Variants in MYOM1 observed in about 807,000 individuals in gnomAD.
The protein encoded by MYOM1 is myomesin-1.
Under a neutral mutation model 205.3 loss-of-function variants are expected in MYOM1, and 164 were observed. That is an observed-to-expected ratio of 0.80 (90% CI 0.70 to 0.91). The LOEUF (loss-of-function observed/expected upper bound fraction) is 0.91, where lower values mean the gene tolerates loss of function less well. Ranked by LOEUF, MYOM1 falls within the 40% of genes least tolerant of loss-of-function variation. The probability of loss-of-function intolerance (pLI) is 0.00; values close to 1 mark genes in which losing one functional copy is unlikely to be tolerated. For synonymous variants in MYOM1, 772 were observed against 789.4 expected (o/e 0.98, Z 0.37); for missense variants, 2,011 against 2,127.3 (o/e 0.95, Z 1.08).
intron 13 of MYOM1, among the ~76,000 whole-genome samples, chr18:3,148,777 C>T (rs761167374): frequency 8.0e-6 from 1 of 124,320 alleles, no homozygotes; most frequent in Admixed American, 1.1e-4. Flanking sequence ...ACCCGGGAGG[C>T]GGAGCTTGTA....
In MYOM1 at chr18:3,072,275, T is replaced by G. The variant is rs1478885907; in HGVS notation, c.4709-386A>C. ...CATCTTGGCCAGGCTGGTCTTGAAC[T>G]CCTGACCTCGTGATCCATCCACTTC... On this transcript the variant is annotated intron_variant, in intron 36 of 37. Transcript: ENST00000356443. Among the ~76,000 whole-genome samples the G allele has an allele frequency of 2.0e-5, 3 of 150,416 alleles. 1 individual carries two copies. Among genetic ancestry groups the G allele is most frequent in the Admixed American group, 2.0e-4 (3 of 15,104 alleles).
At chr18:3,176,900 G>A (rs2080649443) in intron 5 of MYOM1, among the ~76,000 whole-genome samples, 1 of 150,046 alleles carries the variant, frequency 6.7e-6, no homozygotes, top group African/African-American at 2.5e-5. Flanking sequence ...AAAATTTGCA[G>A]TATATAATAT....
At chr18:3,095,334 C>T (rs918944914) in intron 25 of MYOM1, among the ~76,000 whole-genome samples, 5 of 152,002 alleles carry the variant, frequency 3.3e-5, no homozygotes, top group East Asian at 1.9e-4. Context: ...TTGGGGAGGC[C>T]GAGGGGGGCA....
chr18:3,093,811 G>A (rs1188944326), intron 26 of MYOM1, among the ~76,000 whole-genome samples: 1 of 152,174 alleles, frequency 6.6e-6, no homozygotes, highest in African/African-American at 2.4e-5. Context: ...AATGAATCAA[G>A]TCCGTGCTGG....
At position 3,179,925 on chromosome 18, in the gene MYOM1, T is replaced by C. The variant is rs1348480904; in HGVS notation, c.930-3791A>G. Among the ~76,000 whole-genome samples the C allele has an allele frequency of 6.6e-6, 1 of 152,216 alleles. No individual in the cohort carries two copies. ...ACCAACGGCTGTGACATGTGCTGTTTGACCAAATGACTCAGTGACACTCAA... is the reference window on the plus strand; with the variant it reads ...ACCAACGGCTGTGACATGTGCTGTTCGACCAAATGACTCAGTGACACTCAA... On this transcript the variant is annotated intron_variant, in intron 5 of 37. Coordinates refer to ENST00000356443, the MANE Select transcript of MYOM1 (RefSeq NM_003803.4). This position sits in a 1 kb window ranked among gnomAD's most constrained non-coding sequence, Gnocchi z 4.4.
Position 3,219,145 on chromosome 18 carries a change from T to C in MYOM1, c.-29+658A>G, listed in dbSNP as rs1297101957. Among the ~76,000 whole-genome samples the C allele has an allele frequency of 6.6e-6, 1 of 152,136 alleles. No individual in the cohort carries two copies. The highest frequency in any genetic ancestry group is 6.5e-5 in the Admixed American group (1 of 15,270). ...CCTAAATTTTCTTTCTGAAAATAATTTGAGAATTTAGGAAGAAATACAAAT... is the reference window on the plus strand; with the variant it reads ...CCTAAATTTTCTTTCTGAAAATAATCTGAGAATTTAGGAAGAAATACAAAT... On this transcript the variant is annotated intron_variant, in intron 1 of 37. Coordinates refer to ENST00000356443, the MANE Select transcript of MYOM1 (RefSeq NM_003803.4). This position sits in a 1 kb window ranked among gnomAD's most constrained non-coding sequence, Gnocchi z 4.4.
rs552135090 is a variant in MYOM1 at position 3,143,469 on chromosome 18, C to CT, written c.1901-1407dup. Among the ~76,000 whole-genome samples the CT allele has an allele frequency of 1.4e-3, 214 of 152,204 alleles. 1 individual carries two copies. The highest frequency in any genetic ancestry group is 0.014 in the South Asian group (66 of 4,822). ...TGATAAAAATGTGAGTCAATAAAGC[C>CT]TTTTTCTTACATTTTGTATCTCTGA... On this transcript the variant is annotated intron_variant, in intron 13 of 37. Transcript: ENST00000356443.
Position 3,188,851 on chromosome 18 carries a change from G to A in MYOM1, c.668C>T (p.Ser223Phe), listed in dbSNP as rs1414011436. The A allele has an allele frequency of 6.2e-7, 1 of 1,613,570 alleles. No homozygotes were observed. The highest frequency in any genetic ancestry group is 8.5e-7 in the Non-Finnish European group (1 of 1,179,800). Residue 223 changes from serine (S) to phenylalanine (F), a missense_variant, in exon 4 of 38, where the codon TCC (serine) becomes TTC (phenylalanine). Ser to Phe is a radical substitution (Grantham distance 155). Coordinates refer to ENST00000356443, the MANE Select transcript of MYOM1 (RefSeq NM_003803.4). ...TTGAAGAGCGGATGTGGCCTGTTTGGAAACCACAGACTGCCTGGATGCCGT... is the reference window on the plus strand; with the variant it reads ...TTGAAGAGCGGATGTGGCCTGTTTGAAAACCACAGACTGCCTGGATGCCGT... ...QSTASRQSVVSKQATSALQQE... is the reference protein window; with the variant it reads ...QSTASRQSVVFKQATSALQQE...
At chr18:3,093,164 C>T (rs182785183) in intron 26 of MYOM1, among the ~76,000 whole-genome samples, 28 of 152,310 alleles carry the variant, frequency 1.8e-4, no homozygotes, top group Non-Finnish European at 3.1e-4. Flanking sequence ...TCATGGTACT[C>T]GTTTCCCTCT....
intron 26 of MYOM1, 108 bp from the exon 27 acceptor site, chr18:3,090,910 G>A: frequency 2.3e-6 from 3 of 1,293,254 alleles, no homozygotes; most frequent in Non-Finnish European, 3.2e-6. Context: ...TAGATGCAGT[G>A]CCTGTTCATG....
intron 1 of MYOM1, among the ~76,000 whole-genome samples, chr18:3,217,605 G>A (rs1440460426): frequency 2.6e-5 from 4 of 152,168 alleles, no homozygotes. Context: ...CATATAGGTG[G>A]TATCGAAAGC....
chr18:3,100,094 T>C (rs1473422853), intron 25 of MYOM1, 65 bp downstream of exon 25: 3 of 1,500,578 alleles, frequency 2.0e-6, no homozygotes, highest in Non-Finnish European at 2.8e-6. Context: ...TGTCATCTGA[T>C]CTATTCCAGA....
At chr18:3,100,550 G>A in intron 23 of MYOM1, 124 bp from the exon 24 acceptor site, 1 of 697,572 alleles carries the variant, frequency 1.4e-6, no homozygotes, top group Non-Finnish European at 2.5e-6. Flanking sequence ...TCATCTTGCT[G>A]AGCTACAGCC....
At chr18:3,124,793 A>G (rs1294609949) in intron 19 of MYOM1, among the ~76,000 whole-genome samples, 1 of 152,182 alleles carries the variant, frequency 6.6e-6, no homozygotes, top group Admixed American at 6.5e-5. Context: ...CAGTACCTCC[A>G]TGATCTTGGA....
chr18:3,163,311 A>G (rs1477530639), intron 10 of MYOM1, among the ~76,000 whole-genome samples: 1 of 152,218 alleles, frequency 6.6e-6, no homozygotes, highest in African/African-American at 2.4e-5. Flanking sequence ...TAGCATCTCC[A>G]CCGGAACAGT....
At chr18:3,206,819 T>C (rs1221907392) in intron 2 of MYOM1, among the ~76,000 whole-genome samples, 1 of 152,178 alleles carries the variant, frequency 6.6e-6, no homozygotes, top group Non-Finnish European at 1.5e-5. Flanking sequence ...TTTCTTATGG[T>C]ACAAACATGA....
intron 37 of MYOM1, among the ~76,000 whole-genome samples, chr18:3,070,826 C>A (rs185344967): frequency 6.6e-6 from 1 of 151,616 alleles, no homozygotes; most frequent in Non-Finnish European, 1.5e-5. Context: ...CTGGAGTGAT[C>A]TTGGCTCACT....
chr18:3,211,644 T>TC (rs1225222213), intron 2 of MYOM1, among the ~76,000 whole-genome samples: 3 of 152,222 alleles, frequency 2.0e-5, no homozygotes, highest in African/African-American at 7.2e-5. Context: ...TCTTTATTTT[T>TC]CCCACTGTGA....
chr18:3,172,660 C>G (rs1440369230), intron 8 of MYOM1, among the ~76,000 whole-genome samples: 1 of 152,100 alleles, frequency 6.6e-6, no homozygotes, highest in Non-Finnish European at 1.5e-5. Flanking sequence ...CAGATGCCCA[C>G]CACCATGCCT....
Sources: gnomAD v4.1 joint callset for allele counts (sites outside exome capture counted in the v4.1 genomes callset) on GRCh38, gnomAD v4.1.1 for gene constraint, Gnocchi (gnomAD v3.1) non-coding constraint, MANE v1.5 for transcripts, NCBI Gene and HGNC (gene_info 2026-07-23, HGNC 2026-07-21) for gene names.